The following SOX6 variants were observed in gnomAD, a reference collection of about 807,000 sequenced individuals.
The protein encoded by SOX6 is SRY-box transcription factor 6.
Under a neutral mutation model 97.8 loss-of-function variants are expected in SOX6, and 11 were observed. That is an observed-to-expected ratio of 0.11 (90% CI 0.07 to 0.19). The LOEUF (loss-of-function observed/expected upper bound fraction) is 0.19, where lower values mean the gene tolerates loss of function less well. Ranked by LOEUF, SOX6 falls within the 10% of genes least tolerant of loss-of-function variation. SOX6 has a pLI of 1.00. For missense variants in SOX6, 810 were observed against 1,039.5 expected (o/e 0.78, Z 3.04); for synonymous variants, 360 against 371.4 (o/e 0.97, Z 0.35).
chr11:16,491,699 G>A (rs1472137955), intron 4 of SOX6, among the ~76,000 whole-genome samples: 2 of 152,050 alleles, frequency 1.3e-5, no homozygotes. Flanking sequence ...GGCACAAGAG[G>A]AGAAAAACAT....
At position 16,496,799 on chromosome 11, in the gene SOX6, G is replaced by A. The variant is rs1450490557; in HGVS notation, n.610-20411C>T. ...GGCACACACCACTGCTGAGGCTTGA[G>A]TAGGTAAACAAAGCCACTGGGAAGC... On this transcript the variant is annotated intron_variant and non_coding_transcript_variant, in intron 4 of 5. Transcript: ENST00000524520. Among the ~76,000 whole-genome samples, 4 of 152,306 alleles carry A rather than the reference G, an allele frequency of 2.6e-5. No homozygotes were observed. In the East Asian group the frequency reaches 7.7e-4, roughly 29 times the overall value.
chr11:16,498,005 C>A (rs1453962664), intron 4 of SOX6, among the ~76,000 whole-genome samples: 4 of 152,108 alleles, frequency 2.6e-5, no homozygotes, highest in Non-Finnish European at 5.9e-5. Context: ...AACTCCAAGA[C>A]ACATAACTGT....
chr11:16,192,337 CA>C (rs1192705983), intron 4 of SOX6, among the ~76,000 whole-genome samples: 4 of 152,082 alleles, frequency 2.6e-5, no homozygotes, highest in Non-Finnish European at 5.9e-5. Flanking sequence ...AAAATTGACA[CA>C]TTTTTTTTTC....
chr11:16,275,481 A>G (rs1014513768), intron 3 of SOX6, among the ~76,000 whole-genome samples: 6 of 146,000 alleles, frequency 4.1e-5, no homozygotes, highest in Non-Finnish European at 7.7e-5. Context: ...ACAAAACAAA[A>G]CAAAACAAAA....
chr11:15,974,395 T>A (rs1189145625), intron 15 of SOX6, among the ~76,000 whole-genome samples: 1 of 145,896 alleles, frequency 6.9e-6, no homozygotes, highest in African/African-American at 2.5e-5. Context: ...TTTTTTTTTT[T>A]TTTTTTTATT....
At chr11:16,603,275 T>A (rs1227083832) in intron 4 of SOX6, among the ~76,000 whole-genome samples, 3 of 152,174 alleles carry the variant, frequency 2.0e-5, no homozygotes, top group African/African-American at 7.2e-5. Context: ...AAATCTGGTC[T>A]CTGCCAGAAA....
intron 4 of SOX6, among the ~76,000 whole-genome samples, chr11:16,492,647 A>G (rs1860530188): frequency 6.6e-6 from 1 of 152,102 alleles, no homozygotes; most frequent in African/African-American, 2.4e-5. Flanking sequence ...CCTCACTTCT[A>G]CTTCCTCAGA....
intron 4 of SOX6, among the ~76,000 whole-genome samples, chr11:16,536,885 C>A (rs1237740301): frequency 6.6e-6 from 1 of 152,226 alleles, no homozygotes; most frequent in Non-Finnish European, 1.5e-5. Context: ...CATAGCTGAA[C>A]AAAAGGCAGC....
At chr11:16,193,712 C>T (rs1216292019) in intron 4 of SOX6, among the ~76,000 whole-genome samples, 3 of 152,142 alleles carry the variant, frequency 2.0e-5, no homozygotes, top group African/African-American at 7.2e-5. Context: ...CAACATCAAT[C>T]AAGGAACTCA....
At chr11:16,189,417 ATGTGTG>A (rs774040758) in intron 4 of SOX6, among the ~76,000 whole-genome samples, 1 of 39,418 alleles carries the variant, frequency 2.5e-5, no homozygotes, top group Non-Finnish European at 5.6e-5. Context: ...GTGTGTGTGC[ATGTGTG>A]TGTGTGTGTG....
At chr11:16,239,265 T>C (rs1382564951) in intron 3 of SOX6, among the ~76,000 whole-genome samples, 1 of 151,980 alleles carries the variant, frequency 6.6e-6, no homozygotes, top group Non-Finnish European at 1.5e-5. Context: ...CACTATAACG[T>C]ACAAAGCACA....
At chr11:16,230,669 T>C (rs1852821407) in intron 4 of SOX6, among the ~76,000 whole-genome samples, 1 of 151,716 alleles carries the variant, frequency 6.6e-6, no homozygotes, top group South Asian at 2.1e-4. Context: ...ATATAATCTT[T>C]TAAAAAATCA....
intron 4 of SOX6, among the ~76,000 whole-genome samples, chr11:16,595,733 C>T (rs774210932): frequency 4.6e-5 from 7 of 152,010 alleles, no homozygotes; most frequent in Non-Finnish European, 8.8e-5. Context: ...ATTGTACCAC[C>T]GTTCTCCAGC....
intron 4 of SOX6, among the ~76,000 whole-genome samples, chr11:16,486,561 T>A (rs1860437396): frequency 6.6e-6 from 1 of 152,148 alleles, no homozygotes; most frequent in Non-Finnish European, 1.5e-5. Context: ...AGAGTGCTTA[T>A]TAAAATAAAA....
At chr11:16,456,580 A>G (rs1420937276) in intron 1 of SOX6, among the ~76,000 whole-genome samples, 1 of 152,118 alleles carries the variant, frequency 6.6e-6, no homozygotes, top group Non-Finnish European at 1.5e-5. Flanking sequence ...CACTCGAGAT[A>G]CCAGGCAGAT....
At chr11:16,524,742 C>G (rs1294666736) in intron 4 of SOX6, among the ~76,000 whole-genome samples, 1 of 152,236 alleles carries the variant, frequency 6.6e-6, no homozygotes, top group Non-Finnish European at 1.5e-5. Flanking sequence ...CCCATTGTCT[C>G]AGCCCAAAAT....
At chr11:16,426,989 A>G (rs1358033571) in intron 1 of SOX6, among the ~76,000 whole-genome samples, 1 of 151,834 alleles carries the variant, frequency 6.6e-6, no homozygotes, top group African/African-American at 2.4e-5. Flanking sequence ...CAGATTAAAG[A>G]CTTAAAGGTA....
intron 15 of SOX6, 40 bp from the exon 16 acceptor site, chr11:15,973,152 T>C (rs542588851): frequency 6.3e-7 from 1 of 1,596,342 alleles, no homozygotes; most frequent in Admixed American, 1.7e-5. Context: ...AAGGGAGAAA[T>C]ATCTATATAT....
At position 16,509,447 on chromosome 11, in the gene SOX6, A is replaced by G. The variant is rs1011098939; in HGVS notation, n.610-33059T>C. ...AGTACAACTGACTAAATCTAAAAAT[A>G]AAGTGTTGGGATTGATATTTCTGGG... On this transcript the variant is annotated intron_variant and non_coding_transcript_variant, in intron 4 of 5. Coordinates refer to the SOX6 transcript ENST00000524520. Among the ~76,000 whole-genome samples the G allele has an allele frequency of 2.6e-5, 4 of 152,068 alleles. No homozygotes were observed. The East Asian group carries it at 7.7e-4, about 29-fold the overall frequency.
Sources: allele counts gnomAD v4.1 joint callset (sites outside exome capture counted in the v4.1 genomes callset), GRCh38; gene constraint gnomAD v4.1.1; transcripts MANE v1.5; gene names NCBI Gene and HGNC (gene_info 2026-07-23, HGNC 2026-07-21).